PLAC9: variants seen among roughly 807,000 people sequenced by gnomAD.
PLAC9 encodes placenta associated 9.
In PLAC9, 12 loss-of-function variants were observed where a neutral mutation model predicts 11.5. That is an observed-to-expected ratio of 1.05 (90% CI 0.67 to 1.69). The LOEUF (loss-of-function observed/expected upper bound fraction) is 1.69. Among genes scored for constraint, PLAC9 ranks in the 40% most tolerant of loss-of-function variants. PLAC9 has a pLI of 0.00. For synonymous variants in PLAC9, 62 were observed against 58.1 expected (o/e 1.07, Z -0.31); for missense variants, 132 against 130.5 (o/e 1.01, Z -0.06).
At chr10:80,139,425 G>A (rs924961850) in intron 1 of PLAC9, among the ~76,000 whole-genome samples, 6 of 151,960 alleles carry the variant, frequency 3.9e-5, no homozygotes, top group Non-Finnish European at 8.8e-5. Flanking sequence ...CAGTTCCTTG[G>A]CCCCTTGCCT....
chr10:80,144,181 G>A lies in PLAC9; in HGVS notation c.163-42G>A, dbSNP rs751423842. 7 of 1,613,892 alleles carry A rather than the reference G, an allele frequency of 4.3e-6. No individual in the cohort carries two copies. The South Asian group carries it at 6.6e-5, about 15-fold the overall frequency. ...GACCTAGCTGATGAAGCGGAACGTGGAACCACTTCTGTCCTCGACTTTACC... is the reference window on the plus strand; with the variant it reads ...GACCTAGCTGATGAAGCGGAACGTGAAACCACTTCTGTCCTCGACTTTACC... On this transcript the variant is annotated intron_variant, in intron 2 of 3. Transcript: ENST00000372263.
At chr10:80,144,512 G>T (rs973188168) in intron 3 of PLAC9, among the ~76,000 whole-genome samples, 169 bp downstream of exon 3, 3 of 69,612 alleles carry the variant, frequency 4.3e-5, no homozygotes, top group Non-Finnish European at 5.9e-5. Context: ...CTCCCCGCCC[G>T]CCCCGCCCCA....
chr10:80,144,475 G>C, intron 3 of PLAC9, 132 bp downstream of exon 3: 1 of 1,290,310 alleles, frequency 7.8e-7, no homozygotes, highest in Non-Finnish European at 1.0e-6. Flanking sequence ...GCTCCCTGGG[G>C]ACGGAAGCGG....
intron 1 of PLAC9, among the ~76,000 whole-genome samples, chr10:80,139,564 G>T (rs1845016828): frequency 1.3e-5 from 2 of 152,180 alleles, no homozygotes; most frequent in South Asian, 4.1e-4. Flanking sequence ...TGTTGATGCC[G>T]GCTCATTCTG....
chr10:80,136,996 G>A (rs1263101450), intron 1 of PLAC9, among the ~76,000 whole-genome samples: 28 of 152,240 alleles, frequency 1.8e-4, no homozygotes, highest in Admixed American at 1.6e-3. Context: ...GAACCAGGCT[G>A]AGAAAAGGGG....
intron 1 of PLAC9, among the ~76,000 whole-genome samples, chr10:80,133,476 C>T (rs1844936698): frequency 6.6e-6 from 1 of 152,190 alleles, no homozygotes; most frequent in African/African-American, 2.4e-5. Context: ...GGCAGTCGGG[C>T]CCAGGAGAAA....
chr10:80,138,371 C>T (rs1289465576), intron 1 of PLAC9, among the ~76,000 whole-genome samples: 4 of 152,026 alleles, frequency 2.6e-5, no homozygotes, highest in Non-Finnish European at 1.5e-5. Context: ...AAAAAATAAC[C>T]AAAGGGCCAT....
At chr10:80,134,180 C>A (rs1384817386) in intron 1 of PLAC9, among the ~76,000 whole-genome samples, 2 of 123,266 alleles carry the variant, frequency 1.6e-5, no homozygotes, top group East Asian at 4.0e-4. Context: ...AGTTTTATCT[C>A]ATCTATAGCC....
chr10:80,133,783 A>G (rs1844940258), intron 1 of PLAC9, among the ~76,000 whole-genome samples: 1 of 152,154 alleles, frequency 6.6e-6, no homozygotes, highest in Non-Finnish European at 1.5e-5. Flanking sequence ...TCTCTATTAA[A>G]AATACAAAAA....
At position 80,145,225 on chromosome 10, in the gene PLAC9, A is replaced by G. The variant is rs1845089969; in HGVS notation, c.*315A>G. On this transcript the variant is annotated 3_prime_UTR_variant, in exon 4 of 4. Transcript: ENST00000372263. ...CCTTTGAGTGGCCTTGCTTCTCAAA[A>G]TGTGGCCATAGGTGAAAAGCAAGGG... 3.9e-6 allele frequency: 2 copies of G among 512,464 alleles called. No individual in the cohort carries two copies. Among genetic ancestry groups the G allele is most frequent in the South Asian group, 4.9e-5 (2 of 41,010 alleles). The allele number at this position is 512,464 out of a possible 1,614,324, so 31.7% of individuals were successfully genotyped here.
At chr10:80,142,059 T>G (rs1259246227) in intron 1 of PLAC9, 23 bp from the exon 2 acceptor site, 1 of 1,594,472 alleles carries the variant, frequency 6.3e-7, no homozygotes. Flanking sequence ...GGTCCCACAG[T>G]GACAAGACTT....
At chr10:80,139,174 G>A (rs1387577948) in intron 1 of PLAC9, among the ~76,000 whole-genome samples, 1 of 152,002 alleles carries the variant, frequency 6.6e-6, no homozygotes, top group South Asian at 2.1e-4. Context: ...GGATGGTCTC[G>A]ATCTCCTGAC....
intron 1 of PLAC9, among the ~76,000 whole-genome samples, chr10:80,137,189 A>G (rs376625300): frequency 6.6e-6 from 1 of 152,218 alleles, no homozygotes; most frequent in East Asian, 1.9e-4. Flanking sequence ...GTGAAGGATT[A>G]GTGCTGAGCC....
Position 80,144,911 on chromosome 10 carries a change from G to T in PLAC9, c.*1G>T. ...CTGCTTTCTTTCAGATGGCTTCTGAGCCCTGGAGCTGGAGCCCAGCAGTTG... is the reference window on the plus strand; with the variant it reads ...CTGCTTTCTTTCAGATGGCTTCTGATCCCTGGAGCTGGAGCCCAGCAGTTG... On this transcript the variant is annotated 3_prime_UTR_variant, in exon 4 of 4. Coordinates refer to ENST00000372263, the MANE Select transcript of PLAC9 (RefSeq NM_001012973.3). The T allele has an allele frequency of 6.3e-7, 1 of 1,575,964 alleles. No individual in the cohort carries two copies. Among genetic ancestry groups the T allele is most frequent in the Non-Finnish European group, 8.6e-7 (1 of 1,160,188 alleles).
intron 1 of PLAC9, among the ~76,000 whole-genome samples, chr10:80,139,721 G>C (rs1374281347): frequency 1.3e-5 from 2 of 152,044 alleles, no homozygotes; most frequent in South Asian, 4.2e-4. Context: ...TGGTGTAAAT[G>C]TTCTCATCAT....
intron 3 of PLAC9, 64 bp downstream of exon 3, chr10:80,144,407 G>C: frequency 2.0e-6 from 3 of 1,505,002 alleles, no homozygotes; most frequent in South Asian, 2.5e-5. Context: ...GGGCAGGCGA[G>C]ACAGGGACGG....
chr10:80,144,489 G>A, intron 3 of PLAC9, 146 bp downstream of exon 3: 4 of 1,222,362 alleles, frequency 3.3e-6, no homozygotes, highest in South Asian at 3.2e-5. Context: ...GAAGCGGGAC[G>A]GCATCATCCC....
At chr10:80,132,466 C>T (rs1844923163), upstream of PLAC9, 1 of 383,932 alleles carries the variant, frequency 2.6e-6, no homozygotes, top group African/African-American at 2.1e-5. Flanking sequence ...CCAATGCCCC[C>T]CGCCCCGCCT....
chr10:80,144,899 G>A lies in PLAC9; in HGVS notation c.284-1G>A, dbSNP rs1845084655. On this transcript the variant is annotated splice_acceptor_variant, in intron 3 of 3. Coordinates refer to ENST00000372263, the MANE Select transcript of PLAC9 (RefSeq NM_001012973.3). LOFTEE classifies it high-confidence loss of function. ...CACTGGGGGCCTCTGCTTTCTTTCA[G>A]ATGGCTTCTGAGCCCTGGAGCTGGA... is the stretch of plus-strand genomic sequence containing the variant. 2 of 1,575,848 alleles carry A rather than the reference G, an allele frequency of 1.3e-6. No homozygotes were observed. Among genetic ancestry groups the A allele is most frequent in the Non-Finnish European group, 1.7e-6 (2 of 1,160,526 alleles).
Sources: gnomAD v4.1 joint callset for allele counts (sites outside exome capture counted in the v4.1 genomes callset) on GRCh38, gnomAD v4.1.1 for gene constraint, MANE v1.5 for transcripts, NCBI Gene and HGNC (gene_info 2026-07-23, HGNC 2026-07-21) for gene names.